FSTL4: variants seen among roughly 807,000 people sequenced by gnomAD.
FSTL4 encodes the protein follistatin like 4.
FSTL4 carries 28 observed loss-of-function variants against 78.2 expected under a neutral mutation model. That is an observed-to-expected ratio of 0.36 (90% CI 0.27 to 0.49). The LOEUF is 0.49. FSTL4 is among the 20% of genes least tolerant of loss of function. The pLI is 0.98. For synonymous variants in FSTL4, 422 were observed against 440.5 expected (o/e 0.96, Z 0.53); for missense variants, 922 against 1,084.9 (o/e 0.85, Z 2.11).
intron 3 of FSTL4, among the ~76,000 whole-genome samples, chr5:133,562,938 C>A (rs1470695757): frequency 2.0e-5 from 3 of 152,102 alleles, no homozygotes; most frequent in African/African-American, 7.2e-5. Context: ...TCACAGTGGA[C>A]ACGGGAGTAT....
intron 7 of FSTL4, among the ~76,000 whole-genome samples, chr5:133,239,238 C>G (rs561659661): frequency 1.4e-5 from 2 of 143,048 alleles, no homozygotes; most frequent in African/African-American, 2.5e-5. Flanking sequence ...CCCCCACCCC[C>G]CTCCCTGCCA....
At chr5:133,663,230 A>C in the FSTL4 span, among the ~76,000 whole-genome samples, 1 of 152,200 alleles carries the variant, frequency 6.6e-6, no homozygotes, top group Non-Finnish European at 1.5e-5. Flanking sequence ...TACATATCAA[A>C]ACTGGTGAAA....
At chr5:133,813,428 T>C in the FSTL4 span, among the ~76,000 whole-genome samples, 1 of 152,210 alleles carries the variant, frequency 6.6e-6, no homozygotes, top group African/African-American at 2.4e-5. Context: ...AACATCTCAA[T>C]TTGGACTAGT....
intron 4 of FSTL4, among the ~76,000 whole-genome samples, chr5:133,377,903 T>G (rs960034964): frequency 6.6e-6 from 1 of 152,164 alleles, no homozygotes; most frequent in African/African-American, 2.4e-5. Context: ...ACAATTTTTT[T>G]TTTTACTCGT....
At chr5:133,613,423 T>C (rs548314459), upstream of FSTL4, among the ~76,000 whole-genome samples, 2 of 152,342 alleles carry the variant, frequency 1.3e-5, no homozygotes, top group East Asian at 3.9e-4. Context: ...AACAGTGTTC[T>C]GTCCATGCCT....
intron 4 of FSTL4, among the ~76,000 whole-genome samples, chr5:133,353,873 C>T (rs960963870): frequency 1.4e-4 from 21 of 152,192 alleles, no homozygotes; most frequent in Non-Finnish European, 2.2e-4. Flanking sequence ...GAGCCCTGAG[C>T]GTGCTGGACA....
At chr5:133,731,275 T>C in the FSTL4 span, among the ~76,000 whole-genome samples, 109 of 152,244 alleles carry the variant, frequency 7.2e-4, 1 homozygote, top group African/African-American at 2.5e-3. Flanking sequence ...GGACGAGCCC[T>C]GGCCTGAAGA....
At chr5:133,387,440 C>T (rs552564645) in intron 4 of FSTL4, among the ~76,000 whole-genome samples, 1 of 152,286 alleles carries the variant, frequency 6.6e-6, no homozygotes, top group East Asian at 1.9e-4. Context: ...TCCCATGATC[C>T]TATCCACCCC....
At chr5:133,664,124 T>TGACA in the FSTL4 span, among the ~76,000 whole-genome samples, 1 of 152,204 alleles carries the variant, frequency 6.6e-6, no homozygotes, top group Admixed American at 6.5e-5. Flanking sequence ...AGGCCTTCTT[T>TGACA]GACAGGTAAT....
intron 3 of FSTL4, among the ~76,000 whole-genome samples, chr5:133,414,967 T>C (rs17166695): frequency 0.029 from 4,404 of 152,316 alleles, 198 homozygotes; most frequent in African/African-American, 0.1. Flanking sequence ...ATGGACACAT[T>C]TGTTACCAAT....
intron 3 of FSTL4, among the ~76,000 whole-genome samples, chr5:133,504,422 G>C (rs1228530335): frequency 2.0e-5 from 3 of 152,064 alleles, no homozygotes; most frequent in Non-Finnish European, 4.4e-5. Flanking sequence ...CACAAGTGTT[G>C]CTCTTCTAGG....
intron 3 of FSTL4, among the ~76,000 whole-genome samples, chr5:133,427,378 T>C (rs1387233705): frequency 6.6e-6 from 1 of 152,216 alleles, no homozygotes; most frequent in East Asian, 1.9e-4. Flanking sequence ...TAGCCCCTTT[T>C]GGCAGTAGAG....
intron 6 of FSTL4, among the ~76,000 whole-genome samples, chr5:133,268,536 GTGGAGGCCCGGCTCATTTGTCT>G (rs1752693506): frequency 6.6e-6 from 1 of 152,190 alleles, no homozygotes; most frequent in African/African-American, 2.4e-5. Flanking sequence ...ATGGGAGGTG[GTGGAGGCCCGGCTCATTTGTCT>G]TGGTAGCCCG....
the FSTL4 span, among the ~76,000 whole-genome samples, chr5:133,774,025 G>C: frequency 6.6e-6 from 1 of 152,184 alleles, no homozygotes; most frequent in African/African-American, 2.4e-5. Flanking sequence ...GTCACTATAA[G>C]AGCAATGGTG....
chr5:133,758,801 T>C, the FSTL4 span, among the ~76,000 whole-genome samples: 2 of 152,238 alleles, frequency 1.3e-5, no homozygotes, highest in Non-Finnish European at 1.5e-5. Flanking sequence ...AGATCTTCCA[T>C]AAGGTTACAG....
chr5:133,220,845 A>G lies in FSTL4; in HGVS notation c.1361T>C (p.Phe454Ser). 1 of 1,611,174 alleles carries G rather than the reference A, an allele frequency of 6.2e-7. No individual in the cohort carries two copies. Among genetic ancestry groups the G allele is most frequent in the Non-Finnish European group, 8.5e-7 (1 of 1,177,316 alleles). ...GATACCGTCGTCGGAGAAGACATAG[A>G]ACATGTTTCCCACGCTGAGGCCTGG... is the stretch of plus-strand genomic sequence containing the variant. ...REEGLSVGNMFYVFSDDGIIV... is the reference protein window; with the variant it reads ...REEGLSVGNMSYVFSDDGIIV... The change falls in exon 12 of 16, where the codon TTC becomes TCC. Residue 454 changes from phenylalanine (F) to serine (S), a missense_variant. Transcript: ENST00000265342.
chr5:133,206,793 A>C (rs969227446), intron 14 of FSTL4, among the ~76,000 whole-genome samples: 20 of 151,530 alleles, frequency 1.3e-4, no homozygotes, highest in Admixed American at 3.9e-4. Context: ...TTTGCTTTCT[A>C]TTAATTTTAG....
At chr5:133,740,341 A>T in the FSTL4 span, among the ~76,000 whole-genome samples, 1 of 152,124 alleles carries the variant, frequency 6.6e-6, no homozygotes, top group Admixed American at 6.5e-5. Context: ...CCCTGGCCCC[A>T]CATCTAATCC....
chr5:133,764,522 C>A, the FSTL4 span, among the ~76,000 whole-genome samples: 3 of 152,176 alleles, frequency 2.0e-5, no homozygotes, highest in African/African-American at 7.2e-5. Flanking sequence ...CAATTCCTTG[C>A]AAATCCAAAG....
Sources: allele counts gnomAD v4.1 joint callset (sites outside exome capture counted in the v4.1 genomes callset), GRCh38; gene constraint gnomAD v4.1.1; transcripts MANE v1.5; gene names NCBI Gene and HGNC (gene_info 2026-07-23, HGNC 2026-07-21).